The following MIA2 variants were observed in gnomAD, a reference collection of about 807,000 sequenced individuals.
The protein encoded by MIA2 is melanoma inhibitory activity protein 2.
MIA2 carries 127 observed loss-of-function variants against 167.8 expected under a neutral mutation model. The ratio of observed to expected loss-of-function variants is 0.76; its 90% CI spans 0.66 to 0.88. The LOEUF is 0.88. Among genes scored for constraint, MIA2 ranks in the 40% least tolerant of loss-of-function variants. The pLI is 0.00. For missense variants in MIA2, 1,690 were observed against 1,624.7 expected (o/e 1.04, Z -0.69); for synonymous variants, 552 against 541.9 (o/e 1.02, Z -0.26).
intron 23 of MIA2, among the ~76,000 whole-genome samples, chr14:39,359,407 A>G (rs1186503273): frequency 6.6e-6 from 1 of 152,158 alleles, no homozygotes; most frequent in Non-Finnish European, 1.5e-5. Flanking sequence ...GGAAAAACGC[A>G]GTATTAGGGT....
intron 25 of MIA2, among the ~76,000 whole-genome samples, chr14:39,344,380 T>C (rs2072733944): frequency 6.6e-6 from 1 of 152,208 alleles, no homozygotes; most frequent in Non-Finnish European, 1.5e-5. Context: ...AGTTTAGATC[T>C]CAGTGATTGG....
At chr14:39,277,260 T>A (rs1176199916) in intron 7 of MIA2, among the ~76,000 whole-genome samples, 195 bp downstream of exon 7, 1 of 151,918 alleles carries the variant, frequency 6.6e-6, no homozygotes, top group Non-Finnish European at 1.5e-5. Flanking sequence ...GTGCTGTGGC[T>A]CCCACCTCTA....
intron 13 of MIA2, among the ~76,000 whole-genome samples, chr14:39,298,414 T>TAC (rs2061759692): frequency 1.4e-4 from 2 of 14,154 alleles, no homozygotes; most frequent in Non-Finnish European, 2.6e-4. Flanking sequence ...GATTCTGTTT[T>TAC]ATATATATAT....
downstream of MIA2, among the ~76,000 whole-genome samples, chr14:39,353,072 A>G (rs1250512367): frequency 6.6e-6 from 1 of 152,098 alleles, no homozygotes; most frequent in Non-Finnish European, 1.5e-5. Context: ...TTATTGGCAC[A>G]TAATATTTTA....
intron 23 of MIA2, 112 bp downstream of exon 23, chr14:39,319,403 T>G (rs925867855): frequency 1.2e-5 from 6 of 486,644 alleles, no homozygotes; most frequent in Non-Finnish European, 1.9e-5. Context: ...TATAAATATT[T>G]TAGATTTTAG....
chr14:39,269,567 G>T (rs974415466), intron 6 of MIA2, among the ~76,000 whole-genome samples: 10 of 151,818 alleles, frequency 6.6e-5, no homozygotes, highest in African/African-American at 2.4e-4. Context: ...TCACCCAGGG[G>T]GGAGTGCAGT....
At chr14:39,352,969 C>T (rs371274458), downstream of MIA2, among the ~76,000 whole-genome samples, 1 of 152,080 alleles carries the variant, frequency 6.6e-6, no homozygotes, top group East Asian at 1.9e-4. Context: ...TGAACTTATT[C>T]CTCCTGCATG....
intron 25 of MIA2, among the ~76,000 whole-genome samples, chr14:39,330,363 T>C (rs59541938): frequency 0.018 from 2,741 of 152,284 alleles, 93 homozygotes; most frequent in African/African-American, 0.062. Flanking sequence ...CTCTCTTTTC[T>C]TCCTTATTAG....
At chr14:39,250,404 A>G (rs1380331511) in intron 4 of MIA2, among the ~76,000 whole-genome samples, 1 of 151,744 alleles carries the variant, frequency 6.6e-6, no homozygotes, top group African/African-American at 2.4e-5. Flanking sequence ...TTTTCTCTAA[A>G]GAAAATATTG....
chr14:39,353,935 G>A (rs554257924), downstream of MIA2, among the ~76,000 whole-genome samples: 6 of 152,328 alleles, frequency 3.9e-5, no homozygotes, highest in African/African-American at 1.4e-4. Context: ...TGGTGTATAT[G>A]TGCCACATTT....
In MIA2 at chr14:39,248,013, C is replaced by T. The variant is rs763435401; in HGVS notation, c.1439C>T (p.Pro480Leu). The T allele has an allele frequency of 6.4e-7, 1 of 1,574,764 alleles. No homozygotes were observed. Among genetic ancestry groups the T allele is most frequent in the East Asian group, 2.3e-5 (1 of 44,396 alleles). Residue 480 changes from proline to leucine, a missense_variant, in exon 4 of 29, where the codon CCA (proline) becomes CTA (leucine). Transcript: ENST00000640607. Reference protein sequence around the residue: ...FQNIPKETELPFPKQILDQNN... With the variant: ...FQNIPKETELLFPKQILDQNN... Reference sequence around the variant, plus strand: ...AACATTCCAAAGGAAACAGAATTGCCATTTCCCAAACAGATACTGGATCAA... The same window carrying T: ...AACATTCCAAAGGAAACAGAATTGCTATTTCCCAAACAGATACTGGATCAA...
chr14:39,331,181 G>A (rs2068779145), intron 25 of MIA2, among the ~76,000 whole-genome samples: 1 of 151,974 alleles, frequency 6.6e-6, no homozygotes. Flanking sequence ...TTAGCTCTTG[G>A]TGTTGCATTG....
intron 9 of MIA2, among the ~76,000 whole-genome samples, chr14:39,282,378 G>A (rs894563093): frequency 1.3e-5 from 2 of 152,090 alleles, no homozygotes; most frequent in Non-Finnish European, 2.9e-5. Flanking sequence ...AACATGATGA[G>A]ATACGTGTAT....
intron 6 of MIA2, among the ~76,000 whole-genome samples, chr14:39,263,188 C>T (rs2055212592): frequency 6.6e-6 from 1 of 152,078 alleles, no homozygotes. Flanking sequence ...GAGATATGTT[C>T]CATCAATACC....
At position 39,288,459 on chromosome 14, in the gene MIA2, A is replaced by ATTT. The variant is rs1566747774; in HGVS notation, c.2131-2559_2131-2558insTTT. 1.0e-3 allele frequency among the ~76,000 whole-genome samples: 18 copies of ATTT among 17,278 alleles called. 1 individual carries two copies. The highest frequency in any genetic ancestry group is 1.7e-3 in the African/African-American group (12 of 7,138). 11.3% of individuals were successfully genotyped at this position (17,278 alleles called of 152,430 possible). A position where few individuals can be genotyped will look rare whatever the true frequency, so the allele number is the denominator to read the frequency against. ...TATATATATATATATATATATATAT[A>ATTT]TATATATATATATATATTTTTTTTT... On this transcript the variant is annotated intron_variant, in intron 9 of 28. Coordinates refer to ENST00000640607, the MANE Select transcript of MIA2 (RefSeq NM_001329214.4).
chr14:39,362,254 A>G (rs1015516310), intron 23 of MIA2, among the ~76,000 whole-genome samples: 1 of 152,138 alleles, frequency 6.6e-6, no homozygotes. Context: ...GAATAGTTTG[A>G]GGAGAATTGG....
chr14:39,285,813 C>T (rs2059675702), intron 9 of MIA2, among the ~76,000 whole-genome samples: 1 of 151,586 alleles, frequency 6.6e-6, no homozygotes, highest in Non-Finnish European at 1.5e-5. Context: ...GATGGGGCGG[C>T]CGGGCAGAGA....
At chr14:39,269,700 T>TACAAAA in intron 6 of MIA2, among the ~76,000 whole-genome samples, 1 of 152,062 alleles carries the variant, frequency 6.6e-6, no homozygotes, top group Admixed American at 6.6e-5. Flanking sequence ...TTTGTATTTT[T>TACAAAA]TGTAGAGACA....
At chr14:39,316,062 C>A (rs568703845) in intron 21 of MIA2, among the ~76,000 whole-genome samples, 52 of 152,316 alleles carry the variant, frequency 3.4e-4, no homozygotes, top group African/African-American at 1.2e-3. Flanking sequence ...GGGCCTATTT[C>A]CTCATTTGTG....
Sources: allele counts gnomAD v4.1 joint callset (sites outside exome capture counted in the v4.1 genomes callset), GRCh38; gene constraint gnomAD v4.1.1; transcripts MANE v1.5; gene names NCBI Gene and HGNC (gene_info 2026-07-23, HGNC 2026-07-21).